The following ATRX variants were observed in gnomAD, a reference collection of about 807,000 sequenced individuals.
The protein encoded by ATRX is ATRX chromatin remodeler, also known as chromatin remodeler ATRX.
A neutral mutation model predicts 172.6 loss-of-function variants in ATRX; 12 were observed. The observed-to-expected ratio is 0.07, with a 90% CI of 0.04 to 0.11. The LOEUF (loss-of-function observed/expected upper bound fraction) is 0.11, where lower values mean the gene tolerates loss of function less well. Among genes scored for constraint, ATRX ranks in the 10% least tolerant of loss-of-function variants. The pLI is 1.00. For missense variants in ATRX, 1,368 were observed against 1,767.4 expected (o/e 0.77, Z 4.05); for synonymous variants, 674 against 594.7 (o/e 1.13, Z -1.94).
chrX:77,628,051 G>A (rs781939271), intron 19 of ATRX, among the ~76,000 whole-genome samples: 3 of 112,151 alleles, frequency 2.7e-5, no homozygotes, highest in African/African-American at 9.7e-5. Flanking sequence ...TGAGGCTCTG[G>A]AGAGCAGAAG....
At chrX:77,681,344 A>G (rs1297556192) in intron 9 of ATRX, among the ~76,000 whole-genome samples, 176 bp downstream of exon 9, 1 of 112,095 alleles carries the variant, frequency 8.9e-6, no homozygotes, top group Non-Finnish European at 1.9e-5. Context: ...AATATCTTCC[A>G]ATGGCAGCAT....
intron 1 of ATRX, among the ~76,000 whole-genome samples, chrX:77,747,968 A>T (rs1235359858): frequency 1.8e-5 from 2 of 111,594 alleles, no homozygotes; most frequent in African/African-American, 6.5e-5. Flanking sequence ...TTTAAATAAG[A>T]GTCTGATTTC....
chrX:77,619,487 C>A (rs1409872653), intron 20 of ATRX, among the ~76,000 whole-genome samples: 1 of 109,797 alleles, frequency 9.1e-6, no homozygotes, highest in Non-Finnish European at 1.9e-5. Context: ...TCAGTTGGGG[C>A]TACACAAATA....
At chrX:77,678,142 G>A (rs1040470235) in intron 9 of ATRX, among the ~76,000 whole-genome samples, 11 of 108,976 alleles carry the variant, frequency 1.0e-4, no homozygotes, top group African/African-American at 3.7e-4. Context: ...GAAGGCAGAG[G>A]TTGCAGTGAG....
At chrX:77,686,684 C>T (rs2071579903) in intron 7 of ATRX, among the ~76,000 whole-genome samples, 1 of 110,959 alleles carries the variant, frequency 9.0e-6, no homozygotes, top group African/African-American at 3.3e-5. Flanking sequence ...CATTGCACTC[C>T]AGCCTGGGCA....
chrX:77,522,318 G>A lies in ATRX; in HGVS notation c.6920C>T (p.Pro2307Leu), dbSNP rs2147749477. Residue 2307 changes from proline to leucine, a missense_variant, in exon 32 of 35, where the codon CCT becomes CTT. Coordinates refer to ENST00000373344, the MANE Select transcript of ATRX (RefSeq NM_000489.6). ...GGCTCCCAAATTGAAAGGAATATAA[G>A]GAGTTTGAGAGTTGAAACTGACAGG... ...LPPVSFNSQT[P>L]YIPFNLGALS... 7.4e-6 allele frequency: 9 copies of A among 1,210,437 alleles called. No homozygotes were observed. The highest frequency in any genetic ancestry group is 1.0e-5 in the Non-Finnish European group (9 of 894,397).
chrX:77,653,046 CAAAG>C (rs1396393178), intron 14 of ATRX, among the ~76,000 whole-genome samples: 2 of 89,474 alleles, frequency 2.2e-5, no homozygotes, highest in Non-Finnish European at 4.6e-5. Flanking sequence ...AAGAAAGAAA[CAAAG>C]GAAGTGTTGG....
chrX:77,537,670 TA>T (rs201133184), intron 30 of ATRX, among the ~76,000 whole-genome samples: 4 of 105,827 alleles, frequency 3.8e-5, no homozygotes, highest in East Asian at 3.0e-4. Flanking sequence ...CTCTATCTCT[TA>T]AAAAAAAAAC....
chrX:77,573,797 C>T (rs1254354955), intron 28 of ATRX, among the ~76,000 whole-genome samples: 1 of 110,928 alleles, frequency 9.0e-6, no homozygotes. Flanking sequence ...ACTATATGAC[C>T]CAGCAATCAC....
At chrX:77,568,757 C>T (rs1021139850) in intron 28 of ATRX, among the ~76,000 whole-genome samples, 2 of 111,439 alleles carry the variant, frequency 1.8e-5, no homozygotes, top group Admixed American at 9.6e-5. Context: ...ATTATCCTTA[C>T]GATCAAGTGG....
intron 34 of ATRX, among the ~76,000 whole-genome samples, chrX:77,513,414 G>A (rs1196502756): frequency 1.8e-5 from 2 of 108,547 alleles, no homozygotes; most frequent in African/African-American, 6.7e-5. Context: ...AGACAAGGAT[G>A]ACTGGCACAC....
intron 13 of ATRX, among the ~76,000 whole-genome samples, chrX:77,655,700 T>TA (rs374034587): frequency 0.014 from 1,433 of 100,093 alleles, 24 homozygotes; most frequent in African/African-American, 0.044. Flanking sequence ...TATCTTGGTT[T>TA]AAAAAAAAAA....
At chrX:77,665,555 C>T (rs1307980259) in intron 10 of ATRX, among the ~76,000 whole-genome samples, 1 of 111,528 alleles carries the variant, frequency 9.0e-6, no homozygotes, top group Admixed American at 9.6e-5. Flanking sequence ...AAATCAATTA[C>T]TAAAAGCATA....
At chrX:77,740,365 T>C (rs1557181466) in intron 1 of ATRX, among the ~76,000 whole-genome samples, 2 of 110,671 alleles carry the variant, frequency 1.8e-5, no homozygotes, top group African/African-American at 6.6e-5. Context: ...AATCCTGACA[T>C]CCCAGTCTTA....
intron 1 of ATRX, among the ~76,000 whole-genome samples, chrX:77,777,191 TAAAAAAAAAAAAAAA>T (rs782165810): frequency 0.01 from 219 of 21,036 alleles, 4 homozygotes; most frequent in Non-Finnish European, 0.013. Context: ...CTGTCTCTAC[TAAAAAAAAAAAAAAA>T]AAAAAAAAAA....
intron 29 of ATRX, among the ~76,000 whole-genome samples, chrX:77,558,018 G>C (rs868952238): frequency 2.7e-5 from 3 of 111,289 alleles, no homozygotes; most frequent in African/African-American, 9.8e-5. Context: ...GAATGCAAGA[G>C]AGCAGTTTGA....
intron 9 of ATRX, among the ~76,000 whole-genome samples, chrX:77,676,671 G>C (rs2070882594): frequency 8.9e-6 from 1 of 111,965 alleles, no homozygotes; most frequent in African/African-American, 3.2e-5. Context: ...TATCTTCGAG[G>C]AATAGCAAAA....
At chrX:77,574,890 ATGTG>A (rs781852651) in intron 27 of ATRX, among the ~76,000 whole-genome samples, 1,682 of 107,962 alleles carry the variant, frequency 0.016, 29 homozygotes, top group African/African-American at 0.053. Flanking sequence ...GTGTGTGTGT[ATGTG>A]TGTGTGTGTG....
chrX:77,533,254 A>G (rs1365799360), intron 30 of ATRX, among the ~76,000 whole-genome samples: 2 of 112,456 alleles, frequency 1.8e-5, no homozygotes, highest in Non-Finnish European at 3.8e-5. Context: ...ATAACATTTG[A>G]CCCAGCAATC....
Sources: allele counts gnomAD v4.1 joint callset (sites outside exome capture counted in the v4.1 genomes callset), GRCh38; gene constraint gnomAD v4.1.1; transcripts MANE v1.5; gene names NCBI Gene and HGNC (gene_info 2026-07-23, HGNC 2026-07-21).